LAPTM4B: variants seen among roughly 807,000 people sequenced by gnomAD.
LAPTM4B encodes the protein lysosomal protein transmembrane 4 beta.
Under a neutral mutation model 28.5 loss-of-function variants are expected in LAPTM4B, and 26 were observed. The observed-to-expected ratio is 0.91, with a 90% CI of 0.67 to 1.27. The LOEUF (loss-of-function observed/expected upper bound fraction) is 1.27, where lower values mean the gene tolerates loss of function less well. LAPTM4B is among the 50% of genes most tolerant of loss of function. The pLI is 0.00. For missense variants in LAPTM4B, 288 were observed against 285.8 expected (o/e 1.01, Z -0.06); for synonymous variants, 109 against 106.4 (o/e 1.02, Z -0.15).
At chr8:97,817,501 G>T (rs1437673883) in intron 4 of LAPTM4B, among the ~76,000 whole-genome samples, 1 of 144,122 alleles carries the variant, frequency 6.9e-6, no homozygotes, top group East Asian at 2.0e-4. Context: ...AGGCTGGAGT[G>T]CAGTGTTGTG....
intron 1 of LAPTM4B, among the ~76,000 whole-genome samples, chr8:97,786,870 A>G (rs932797017): frequency 3.9e-5 from 6 of 152,172 alleles, no homozygotes; most frequent in African/African-American, 1.2e-4. Context: ...TGAGCCAGTT[A>G]TGCTATAGAT....
At chr8:97,785,025 A>G (rs192761792) in intron 1 of LAPTM4B, among the ~76,000 whole-genome samples, 98 of 152,308 alleles carry the variant, frequency 6.4e-4, no homozygotes, top group Non-Finnish European at 1.2e-3. Context: ...GATCAAGGGC[A>G]GTTCTATAGA....
intron 1 of LAPTM4B, among the ~76,000 whole-genome samples, chr8:97,789,243 T>A (rs2129736874): frequency 6.6e-6 from 1 of 151,692 alleles, no homozygotes; most frequent in African/African-American, 2.4e-5. Context: ...CCGGCTAATT[T>A]TTTGTATTTT....
intron 1 of LAPTM4B, among the ~76,000 whole-genome samples, chr8:97,779,344 G>A (rs1365288038): frequency 3.9e-5 from 6 of 152,118 alleles, no homozygotes; most frequent in Admixed American, 3.9e-4. Context: ...TACAAATTAG[G>A]TGCGGTGGTG....
At position 97,851,503 on chromosome 8, in the gene LAPTM4B, C is replaced by T. The variant is rs1563626269; in HGVS notation, c.*29C>T. 6.4e-7 allele frequency: 1 copy of T among 1,554,938 alleles called. No homozygotes were observed. On this transcript the variant is annotated 3_prime_UTR_variant, in exon 7 of 7. Coordinates refer to ENST00000521545, the MANE Select transcript of LAPTM4B (RefSeq NM_018407.6). ...TTCAAGTGGGCGGAGCTGAGGGCAG[C>T]AGCTTGACTTTGCAGACATCTGAGC...
At chr8:97,788,335 T>C in intron 1 of LAPTM4B, 1 of 356,202 alleles carries the variant, frequency 2.8e-6, no homozygotes, top group Non-Finnish European at 5.6e-6. Flanking sequence ...CAGGAAACAA[T>C]CCTGAAAGTC....
At chr8:97,786,391 AAACAT>A (rs1477863931) in intron 1 of LAPTM4B, among the ~76,000 whole-genome samples, 1 of 141,542 alleles carries the variant, frequency 7.1e-6, no homozygotes, top group Non-Finnish European at 1.5e-5. Context: ...AATTATTAGT[AAACAT>A]AACATTGAAC....
At chr8:97,809,810 A>G (rs1816800538) in intron 2 of LAPTM4B, among the ~76,000 whole-genome samples, 1 of 152,206 alleles carries the variant, frequency 6.6e-6, no homozygotes, top group Non-Finnish European at 1.5e-5. Flanking sequence ...ACTCTTTCTC[A>G]CTTTTGCAGG....
intron 6 of LAPTM4B, among the ~76,000 whole-genome samples, chr8:97,839,393 A>C (rs945061743): frequency 4.6e-5 from 7 of 152,056 alleles, no homozygotes; most frequent in African/African-American, 1.7e-4. Flanking sequence ...GGGTTTCACC[A>C]TGTTGCCCAG....
chr8:97,851,017 T>G (rs930248558), intron 6 of LAPTM4B, among the ~76,000 whole-genome samples: 1 of 149,310 alleles, frequency 6.7e-6, no homozygotes, highest in Non-Finnish European at 1.5e-5. Context: ...GCGTTTTCAC[T>G]GCACTTTGCA....
chr8:97,784,699 A>G (rs963432974), intron 1 of LAPTM4B, among the ~76,000 whole-genome samples: 3 of 152,136 alleles, frequency 2.0e-5, no homozygotes, highest in Non-Finnish European at 4.4e-5. Flanking sequence ...CAGCCTCCCA[A>G]AGTGTTGGGA....
chr8:97,824,184 A>G (rs1817056535), intron 5 of LAPTM4B, among the ~76,000 whole-genome samples: 1 of 152,072 alleles, frequency 6.6e-6, no homozygotes, highest in Admixed American at 6.6e-5. Flanking sequence ...TATATATTAT[A>G]TATATACTAT....
rs575360970 is a variant in LAPTM4B at position 97,849,606 on chromosome 8, G to A, written c.604-1791G>A. Among the ~76,000 whole-genome samples the A allele has an allele frequency of 2.2e-3, 341 of 152,338 alleles. 1 individual carries two copies. Among genetic ancestry groups the A allele is most frequent in the African/African-American group, 7.3e-3 (302 of 41,578 alleles). On this transcript the variant is annotated intron_variant, in intron 6 of 6. Coordinates refer to ENST00000521545, the MANE Select transcript of LAPTM4B (RefSeq NM_018407.6). ...ACTACCTCTTTCAGGAACAAAGGCC[G>A]GCTGGCGGGTGCGACTCTGGCGCAT...
intron 1 of LAPTM4B, among the ~76,000 whole-genome samples, chr8:97,789,038 CTTTATTTATTTATTTATTTATTTATTTA>C (rs71570264): frequency 4.3e-5 from 6 of 140,728 alleles, no homozygotes; most frequent in Admixed American, 1.5e-4. Context: ...GGTGCTCACT[CTTTATTTATTTATTTATTTATTTATTTA>C]TTTATTTATT....
chr8:97,803,560 C>A (rs1054056254), intron 1 of LAPTM4B, among the ~76,000 whole-genome samples: 4 of 152,196 alleles, frequency 2.6e-5, no homozygotes, highest in Non-Finnish European at 5.9e-5. Context: ...AGGTGTGAGC[C>A]ACCGTGCCGG....
chr8:97,810,807 G>A (rs1381095493), intron 2 of LAPTM4B, among the ~76,000 whole-genome samples: 2 of 152,118 alleles, frequency 1.3e-5, no homozygotes, highest in African/African-American at 2.4e-5. Context: ...TTTCTTCACT[G>A]GGCAGACAAA....
chr8:97,799,710 C>A (rs1355257297), intron 1 of LAPTM4B, among the ~76,000 whole-genome samples: 1 of 152,194 alleles, frequency 6.6e-6, no homozygotes, highest in Non-Finnish European at 1.5e-5. Flanking sequence ...CATGTCATAT[C>A]CTTCCTCAAA....
At chr8:97,792,933 TTCTC>T (rs1816527070) in intron 1 of LAPTM4B, among the ~76,000 whole-genome samples, 2 of 152,210 alleles carry the variant, frequency 1.3e-5, no homozygotes, top group Admixed American at 6.5e-5. Flanking sequence ...GCTATAATTT[TTCTC>T]TCTCAGGATG....
chr8:97,843,324 G>C (rs544213556), intron 6 of LAPTM4B, among the ~76,000 whole-genome samples: 10 of 152,296 alleles, frequency 6.6e-5, no homozygotes, highest in African/African-American at 2.4e-4. Context: ...CTACTCAGGA[G>C]GCTGAGGCAG....
Sources: gnomAD v4.1 joint callset for allele counts (sites outside exome capture counted in the v4.1 genomes callset) on GRCh38, gnomAD v4.1.1 for gene constraint, MANE v1.5 for transcripts, NCBI Gene and HGNC (gene_info 2026-07-23, HGNC 2026-07-21) for gene names.